The following PIK3AP1 variants were observed in gnomAD, a reference collection of about 807,000 sequenced individuals.
The protein encoded by PIK3AP1 is phosphoinositide-3-kinase adaptor protein 1, also known as phosphoinositide 3-kinase adapter protein 1.
PIK3AP1 carries 21 observed loss-of-function variants against 88.1 expected under a neutral mutation model. That is an observed-to-expected ratio of 0.24 (90% CI 0.17 to 0.34). The LOEUF is 0.34. PIK3AP1 is among the 10% of genes least tolerant of loss of function. The pLI is 1.00. For synonymous variants in PIK3AP1, 398 were observed against 400.0 expected, an observed-to-expected ratio of 1.00 and a Z score of 0.06; for missense variants, 828 against 1,035.7, an observed-to-expected ratio of 0.80 and a Z score of 2.75.
intron 2 of PIK3AP1, among the ~76,000 whole-genome samples, chr10:96,660,148 G>A (rs889495330): frequency 1.3e-5 from 2 of 152,052 alleles, no homozygotes; most frequent in Non-Finnish European, 2.9e-5. Context: ...TCTGTTCTGC[G>A]AAAGACATTG....
At chr10:96,597,523 G>A (rs918569376) in intron 16 of PIK3AP1, among the ~76,000 whole-genome samples, 5 of 152,070 alleles carry the variant, frequency 3.3e-5, no homozygotes, top group African/African-American at 1.2e-4. Flanking sequence ...CAAAAAATCA[G>A]TAAACTCTAC....
At chr10:96,654,600 A>C (rs1843589424) in intron 3 of PIK3AP1, among the ~76,000 whole-genome samples, 1 of 152,176 alleles carries the variant, frequency 6.6e-6, no homozygotes, top group Admixed American at 6.5e-5. Flanking sequence ...TGTCTCCTCT[A>C]CTGACAGTCA....
At chr10:96,632,776 C>T (rs938528733) in intron 8 of PIK3AP1, 27 of 1,340,456 alleles carry the variant, frequency 2.0e-5, no homozygotes, top group Middle Eastern at 1.9e-4. Context: ...GCATTAGGAT[C>T]GCAATGCATA....
intron 2 of PIK3AP1, among the ~76,000 whole-genome samples, chr10:96,688,282 T>A (rs2134270824): frequency 6.6e-6 from 1 of 152,054 alleles, no homozygotes; most frequent in East Asian, 1.9e-4. Flanking sequence ...TCATAAATAG[T>A]GATAGTAAAG....
intron 3 of PIK3AP1, among the ~76,000 whole-genome samples, chr10:96,656,066 G>T (rs754946264): frequency 3.5e-4 from 53 of 152,308 alleles, no homozygotes; most frequent in Non-Finnish European, 5.1e-4. Context: ...AGGCTCCCAC[G>T]CTGTCTCGCC....
intron 2 of PIK3AP1, among the ~76,000 whole-genome samples, chr10:96,661,659 G>A (rs1160342725): frequency 6.6e-6 from 1 of 152,146 alleles, no homozygotes; most frequent in Non-Finnish European, 1.5e-5. Flanking sequence ...GGTGGCATGT[G>A]CCTGCAGTCC....
chr10:96,649,401 A>G (rs1371181432), intron 6 of PIK3AP1, among the ~76,000 whole-genome samples: 1 of 152,238 alleles, frequency 6.6e-6, no homozygotes, highest in Non-Finnish European at 1.5e-5. Context: ...CTTCTCTAAC[A>G]GGACTGGAGA....
At chr10:96,642,810 G>A (rs1358982410) in intron 8 of PIK3AP1, among the ~76,000 whole-genome samples, 1 of 152,252 alleles carries the variant, frequency 6.6e-6, no homozygotes, top group African/African-American at 2.4e-5. Context: ...CAGGTTTCCA[G>A]TGCTGTGGTG....
Position 96,645,683 on chromosome 10 carries a change from C to T in PIK3AP1, c.1186-21G>A, listed in dbSNP as rs780014905. On this transcript the variant is annotated intron_variant, in intron 7 of 16. Coordinates refer to ENST00000339364, the MANE Select transcript of PIK3AP1 (RefSeq NM_152309.3). The stretch of plus-strand genomic sequence containing the variant: ...GTTTCCTGAAAGAGAAGATGAGGCC[C>T]ACGGCGCCCTGAGGCAGCCTGACTT... 2.2e-5 allele frequency: 34 copies of T among 1,568,766 alleles called. No homozygotes were observed. The East Asian group carries it at 8.0e-4, about 37-fold the overall frequency.
Position 96,645,276 on chromosome 10 carries a change from A to G in PIK3AP1, c.1375+197T>C, listed in dbSNP as rs551621955. On this transcript the variant is annotated intron_variant, in intron 8 of 16. Coordinates refer to ENST00000339364, the MANE Select transcript of PIK3AP1 (RefSeq NM_152309.3). ...ATTTGCTTAAACTCTCCCAGCAGTCATAACAGAGGAAGTTTGGAGAAGAAT... is the reference window on the plus strand; with the variant it reads ...ATTTGCTTAAACTCTCCCAGCAGTCGTAACAGAGGAAGTTTGGAGAAGAAT... Among the ~76,000 whole-genome samples, 21 of 152,336 alleles carry G rather than the reference A, an allele frequency of 1.4e-4. No individual in the cohort carries two copies. In the East Asian group the frequency reaches 3.7e-3, roughly 27 times the overall value.
intron 2 of PIK3AP1, among the ~76,000 whole-genome samples, chr10:96,686,026 A>G (rs1009565474): frequency 2.6e-5 from 4 of 152,174 alleles, no homozygotes; most frequent in African/African-American, 9.7e-5. Flanking sequence ...TAATAAATAC[A>G]TATTAGTGGG....
intron 2 of PIK3AP1, among the ~76,000 whole-genome samples, chr10:96,666,281 T>A (rs1467560059): frequency 6.6e-6 from 1 of 151,940 alleles, no homozygotes; most frequent in Non-Finnish European, 1.5e-5. Context: ...TAGCCGGGCG[T>A]GGTAGCAGGC....
chr10:96,676,007 G>T (rs1182072165), intron 2 of PIK3AP1, among the ~76,000 whole-genome samples: 2 of 152,144 alleles, frequency 1.3e-5, no homozygotes, highest in African/African-American at 4.8e-5. Context: ...AGGTCAGAGG[G>T]ACTTTCCCAG....
intron 16 of PIK3AP1, among the ~76,000 whole-genome samples, chr10:96,598,308 C>T (rs543835576): frequency 2.0e-3 from 312 of 152,206 alleles, no homozygotes; most frequent in Non-Finnish European, 3.7e-3. Context: ...CTCCCTGCCT[C>T]AGCCTCCTAA....
At chr10:96,603,936 G>T (rs1389145016) in intron 15 of PIK3AP1, 43 bp downstream of exon 15, 2 of 1,482,202 alleles carry the variant, frequency 1.3e-6, no homozygotes, top group South Asian at 2.5e-5. Flanking sequence ...GCGATGAAAC[G>T]ACCCCTAGGA....
intron 2 of PIK3AP1, among the ~76,000 whole-genome samples, chr10:96,703,825 A>G (rs1021869832): frequency 2.0e-5 from 3 of 152,220 alleles, no homozygotes; most frequent in Non-Finnish European, 2.9e-5. Context: ...GGTATATTAC[A>G]GTGCTGGAGG....
chr10:96,608,248 C>T (rs1445505293), intron 14 of PIK3AP1, among the ~76,000 whole-genome samples: 2 of 152,246 alleles, frequency 1.3e-5, no homozygotes, highest in African/African-American at 4.8e-5. Context: ...TGAGAGGGTT[C>T]TACCACTTTC....
chr10:96,659,700 CAA>C (rs1198781319), intron 2 of PIK3AP1, among the ~76,000 whole-genome samples: 4 of 100,936 alleles, frequency 4.0e-5, no homozygotes, highest in Admixed American at 9.9e-5. Flanking sequence ...CTGTCTCTAC[CAA>C]AAAAAAAAAA....
At chr10:96,693,144 T>C (rs1424269121) in intron 2 of PIK3AP1, among the ~76,000 whole-genome samples, 1 of 152,236 alleles carries the variant, frequency 6.6e-6, no homozygotes, top group East Asian at 1.9e-4. Context: ...CAAGTTCACT[T>C]CCTTCAACTA....
Sources: gnomAD v4.1 joint callset for allele counts (sites outside exome capture counted in the v4.1 genomes callset) on GRCh38, gnomAD v4.1.1 for gene constraint, MANE v1.5 for transcripts, NCBI Gene and HGNC (gene_info 2026-07-23, HGNC 2026-07-21) for gene names.